The following HPCAL1 variants were observed in gnomAD, a reference collection of about 807,000 sequenced individuals.
HPCAL1 encodes the protein hippocalcin like 1.
HPCAL1 carries 8 observed loss-of-function variants against 17.1 expected under a neutral mutation model. The observed-to-expected ratio is 0.47, with a 90% CI of 0.27 to 0.84. The LOEUF (loss-of-function observed/expected upper bound fraction) is 0.84. Ranked by LOEUF, HPCAL1 falls within the 40% of genes least tolerant of loss-of-function variation. The probability of loss-of-function intolerance (pLI) is 0.13; values close to 1 mark genes in which losing one functional copy is unlikely to be tolerated. For missense variants in HPCAL1, 165 were observed against 271.1 expected (o/e 0.61, Z 2.75); for synonymous variants, 112 against 111.4 (o/e 1.01, Z -0.03).
rs546457615 is a variant in HPCAL1 at position 10,363,322 on chromosome 2, T to G, written c.-110-33513T>G. On this transcript the variant is annotated intron_variant, in intron 1 of 4. Coordinates refer to ENST00000307845, the MANE Select transcript of HPCAL1 (RefSeq NM_002149.4). The surrounding 1 kb of genome is among the most constrained non-coding windows in gnomAD (Gnocchi z 4.7). The stretch of plus-strand genomic sequence containing the variant: ...GAAAAGTATTTCTGACTCCTGGAGC[T>G]CCACGGTGTGACAGGTGGGCAGGAG... Among the ~76,000 whole-genome samples the G allele has an allele frequency of 2.0e-5, 3 of 152,202 alleles. No homozygotes were observed. Among genetic ancestry groups the G allele is most frequent in the Admixed American group, 2.0e-4 (3 of 15,296 alleles).
At chr2:10,356,645 C>T (rs375860066) in intron 1 of HPCAL1, among the ~76,000 whole-genome samples, 1 of 152,192 alleles carries the variant, frequency 6.6e-6, no homozygotes, top group African/African-American at 2.4e-5. Context: ...CCGTGCCCCA[C>T]ACACCACACC....
intron 1 of HPCAL1, among the ~76,000 whole-genome samples, chr2:10,369,891 C>T (rs1178012500): frequency 6.6e-6 from 1 of 152,206 alleles, no homozygotes; most frequent in African/African-American, 2.4e-5. Context: ...CCAGTGTGTC[C>T]TTGAGACCTC....
At chr2:10,416,356 G>A (rs1019458580) in intron 2 of HPCAL1, among the ~76,000 whole-genome samples, 1 of 152,316 alleles carries the variant, frequency 6.6e-6, no homozygotes, top group South Asian at 2.1e-4. Flanking sequence ...ACAGCCGGAG[G>A]GGGGCTTTCT....
At chr2:10,360,898 C>T (rs1666482503) in intron 1 of HPCAL1, among the ~76,000 whole-genome samples, 1 of 151,628 alleles carries the variant, frequency 6.6e-6, no homozygotes, top group Non-Finnish European at 1.5e-5. Flanking sequence ...TTCTGTCTCT[C>T]TCCTCACCAC....
chr2:10,348,004 AC>A (rs1166524597), intron 1 of HPCAL1, among the ~76,000 whole-genome samples: 1 of 152,214 alleles, frequency 6.6e-6, no homozygotes, highest in African/African-American at 2.4e-5. Flanking sequence ...ATGCTTTAAC[AC>A]AGTGATTAGA....
intron 1 of HPCAL1, among the ~76,000 whole-genome samples, chr2:10,306,212 C>G (rs1337121781): frequency 6.6e-6 from 1 of 152,148 alleles, no homozygotes; most frequent in Non-Finnish European, 1.5e-5. Context: ...TGCATTCCAG[C>G]AAGCCCTAAA....
In HPCAL1 at chr2:10,384,841, G is replaced by T. The variant is rs926469782; in HGVS notation, c.-110-11994G>T. Among the ~76,000 whole-genome samples the T allele has an allele frequency of 6.6e-6, 1 of 152,166 alleles. No homozygotes were observed. The highest frequency in any genetic ancestry group is 2.4e-5 in the African/African-American group (1 of 41,436). On this transcript the variant is annotated intron_variant, in intron 1 of 4. Coordinates refer to ENST00000307845, the MANE Select transcript of HPCAL1 (RefSeq NM_002149.4). The surrounding 1 kb of genome is among the most constrained non-coding windows in gnomAD (Gnocchi z 4.4). ...GTGAAAATAAAGATAGAGGCGACAGGCTGGGTGCGGTGGCTCATGCCTGTA... is the reference window on the plus strand; with the variant it reads ...GTGAAAATAAAGATAGAGGCGACAGTCTGGGTGCGGTGGCTCATGCCTGTA...
At chr2:10,381,243 C>T (rs1667923841) in intron 1 of HPCAL1, among the ~76,000 whole-genome samples, 1 of 152,202 alleles carries the variant, frequency 6.6e-6, no homozygotes, top group African/African-American at 2.4e-5. Context: ...GGCATCTAAG[C>T]TCCTTAAAGA....
chr2:10,364,505 C>A (rs1666723459), intron 1 of HPCAL1, among the ~76,000 whole-genome samples: 1 of 151,986 alleles, frequency 6.6e-6, no homozygotes, highest in Non-Finnish European at 1.5e-5. Context: ...CCGGGGGAGA[C>A]TCCTCGCTGC....
At chr2:10,381,825 CA>C (rs1278391909) in intron 1 of HPCAL1, among the ~76,000 whole-genome samples, 2 of 152,172 alleles carry the variant, frequency 1.3e-5, no homozygotes, top group Non-Finnish European at 2.9e-5. Context: ...GGTGGGAACG[CA>C]AAACAGTACA....
chr2:10,408,022 G>C (rs1670081715), intron 2 of HPCAL1, among the ~76,000 whole-genome samples: 1 of 152,238 alleles, frequency 6.6e-6, no homozygotes, highest in African/African-American at 2.4e-5. Flanking sequence ...GCTGAGGCGA[G>C]CGTGCCACAC....
chr2:10,385,525 T>G (rs1438694565), intron 1 of HPCAL1, among the ~76,000 whole-genome samples: 1 of 152,036 alleles, frequency 6.6e-6, no homozygotes, highest in Non-Finnish European at 1.5e-5. Context: ...GGCTGTGATT[T>G]TTTCATCCAA....
At chr2:10,318,687 G>A (rs572738442) in intron 1 of HPCAL1, among the ~76,000 whole-genome samples, 5 of 152,338 alleles carry the variant, frequency 3.3e-5, no homozygotes, top group Admixed American at 2.0e-4. Flanking sequence ...CAAGTGCCAC[G>A]GGCTTAGAGA....
chr2:10,346,480 T>C (rs565344068), intron 1 of HPCAL1, among the ~76,000 whole-genome samples: 1 of 152,274 alleles, frequency 6.6e-6, no homozygotes, highest in South Asian at 2.1e-4. Context: ...TTTTCCTCTT[T>C]CAATTGGGAG....
chr2:10,304,460 C>A lies in HPCAL1; in HGVS notation c.-111+1283C>A, dbSNP rs1019416476. Among the ~76,000 whole-genome samples, 1 of 152,006 alleles carries A rather than the reference C, an allele frequency of 6.6e-6. No individual in the cohort carries two copies. The highest frequency in any genetic ancestry group is 1.5e-5 in the Non-Finnish European group (1 of 67,986). On this transcript the variant is annotated intron_variant, in intron 1 of 4. Transcript: ENST00000307845. The surrounding 1 kb of genome is among the most constrained non-coding windows in gnomAD (Gnocchi z 4.1). ...TGTTTGCCAGGGACGCCGAGTCCAGCTGCTGGCCTCGGCATTAGACAACCC... is the reference window on the plus strand; with the variant it reads ...TGTTTGCCAGGGACGCCGAGTCCAGATGCTGGCCTCGGCATTAGACAACCC...
At chr2:10,386,897 C>T (rs2125552359) in intron 1 of HPCAL1, among the ~76,000 whole-genome samples, 1 of 152,362 alleles carries the variant, frequency 6.6e-6, no homozygotes, top group Admixed American at 6.5e-5. Flanking sequence ...GCTTTCCTCC[C>T]TCTCTTATTG....
At chr2:10,397,419 G>C (rs888387550) in intron 2 of HPCAL1, among the ~76,000 whole-genome samples, 1 of 151,990 alleles carries the variant, frequency 6.6e-6, no homozygotes, top group Non-Finnish European at 1.5e-5. Context: ...CAGATAAGCT[G>C]TCTGCGCTGG....
At chr2:10,305,049 C>T (rs1159179409) in intron 1 of HPCAL1, among the ~76,000 whole-genome samples, 1 of 152,168 alleles carries the variant, frequency 6.6e-6, no homozygotes, top group African/African-American at 2.4e-5. Flanking sequence ...CAATCCTAGC[C>T]ATGGCAGGCC....
chr2:10,325,224 G>A (rs1000674977), intron 1 of HPCAL1, among the ~76,000 whole-genome samples: 1 of 152,092 alleles, frequency 6.6e-6, no homozygotes, highest in Non-Finnish European at 1.5e-5. Flanking sequence ...GAGCACACTG[G>A]TGCCGTCATA....
Sources: gnomAD v4.1 joint callset for allele counts (sites outside exome capture counted in the v4.1 genomes callset) on GRCh38, gnomAD v4.1.1 for gene constraint, Gnocchi (gnomAD v3.1) non-coding constraint, MANE v1.5 for transcripts, NCBI Gene and HGNC (gene_info 2026-07-23, HGNC 2026-07-21) for gene names.